PRKD3: variants seen among roughly 807,000 people sequenced by gnomAD.
PRKD3 encodes the protein protein kinase D3, also known as serine/threonine-protein kinase D3.
PRKD3 carries 47 observed loss-of-function variants against 99.2 expected under a neutral mutation model. That is an observed-to-expected ratio of 0.47 (90% CI 0.38 to 0.60). PRKD3 has a LOEUF of 0.60. Among genes scored for constraint, PRKD3 ranks in the 20% least tolerant of loss-of-function variants. The pLI is 0.00. For synonymous variants in PRKD3, 392 were observed against 355.4 expected (o/e 1.10, Z -1.16); for missense variants, 1,019 against 1,088.4 (o/e 0.94, Z 0.90).
At chr2:37,312,691 C>T (rs890424746) in intron 2 of PRKD3, among the ~76,000 whole-genome samples, 1 of 152,162 alleles carries the variant, frequency 6.6e-6, no homozygotes, top group African/African-American at 2.4e-5. Context: ...TGTTCAATAA[C>T]ATTCAGGTAT....
At chr2:37,322,262 TC>T (rs1172255666) in intron 1 of PRKD3, among the ~76,000 whole-genome samples, 2 of 152,230 alleles carry the variant, frequency 1.3e-5, no homozygotes, top group Non-Finnish European at 2.9e-5. Context: ...ATTTAAAAAC[TC>T]AAGTGTCTAC....
At chr2:37,285,082 C>T (rs1670029107) in intron 6 of PRKD3, among the ~76,000 whole-genome samples, 1 of 152,126 alleles carries the variant, frequency 6.6e-6, no homozygotes, top group Non-Finnish European at 1.5e-5. Context: ...TCCACAAATA[C>T]TTCTACTATA....
intron 7 of PRKD3, chr2:37,282,312 T>C (rs1207209468): frequency 2.0e-6 from 1 of 495,848 alleles, no homozygotes; most frequent in South Asian, 3.2e-5. Flanking sequence ...GGAGTACCAC[T>C]GGCTATATTA....
intron 17 of PRKD3, among the ~76,000 whole-genome samples, chr2:37,255,482 G>A (rs1428133630): frequency 2.0e-5 from 3 of 152,110 alleles, no homozygotes; most frequent in Admixed American, 6.5e-5. Flanking sequence ...TATTCTTGAC[G>A]GGTACAGAAC....
intron 14 of PRKD3, among the ~76,000 whole-genome samples, chr2:37,266,965 A>G (rs2148516428): frequency 6.6e-6 from 1 of 152,362 alleles, no homozygotes; most frequent in Middle Eastern, 3.4e-3. Context: ...AAAAACACAT[A>G]GGAATTTATG....
chr2:37,265,637 A>T (rs971452919), intron 14 of PRKD3, among the ~76,000 whole-genome samples: 1 of 152,188 alleles, frequency 6.6e-6, no homozygotes, highest in African/African-American at 2.4e-5. Context: ...ACTTAAGTAT[A>T]AATGCTGACA....
chr2:37,302,838 G>A (rs1313789680), intron 2 of PRKD3, among the ~76,000 whole-genome samples: 2 of 152,026 alleles, frequency 1.3e-5, no homozygotes. Flanking sequence ...GAGACAGAAG[G>A]CAGAGAAATA....
chr2:37,268,706 G>C (rs888179387), intron 13 of PRKD3: 1 of 174,286 alleles, frequency 5.7e-6, no homozygotes, highest in African/African-American at 2.4e-5. Context: ...GAGACAAAGG[G>C]ATGGAGAAGG....
At chr2:37,306,755 G>A (rs1434425502) in intron 2 of PRKD3, among the ~76,000 whole-genome samples, 1 of 152,192 alleles carries the variant, frequency 6.6e-6, no homozygotes, top group Non-Finnish European at 1.5e-5. Context: ...GCTGCAGTGA[G>A]CCGTGATCAT....
intron 1 of PRKD3, among the ~76,000 whole-genome samples, chr2:37,323,502 T>A (rs760107564): frequency 9.2e-5 from 14 of 152,032 alleles, no homozygotes; most frequent in Non-Finnish European, 2.9e-5. Flanking sequence ...CTTGGCTGAA[T>A]GTCCATGCTT....
chr2:37,259,984 G>T (rs545315144), intron 15 of PRKD3, among the ~76,000 whole-genome samples: 146 of 152,182 alleles, frequency 9.6e-4, no homozygotes, highest in African/African-American at 3.4e-3. Flanking sequence ...GGCCAACACG[G>T]TGAAACCCCA....
At chr2:37,308,120 ACT>A (rs1366515214) in intron 2 of PRKD3, among the ~76,000 whole-genome samples, 1 of 152,170 alleles carries the variant, frequency 6.6e-6, no homozygotes, top group African/African-American at 2.4e-5. Flanking sequence ...GTAAAACATA[ACT>A]CTCATATCAT....
chr2:37,318,164 C>T (rs1034644962), intron 1 of PRKD3, among the ~76,000 whole-genome samples: 2 of 151,610 alleles, frequency 1.3e-5, no homozygotes, highest in Admixed American at 1.3e-4. Context: ...TTAGGAAGAA[C>T]GTGACAGAAG....
At chr2:37,317,837 C>G (rs1572708454) in intron 1 of PRKD3, 1 of 152,170 alleles carries the variant, frequency 6.6e-6, no homozygotes, top group African/African-American at 2.4e-5. Flanking sequence ...CAATGCTTAG[C>G]TTCCAAGATC....
rs1668521617 is a variant in PRKD3 at position 37,262,272 on chromosome 2, TTC to T, written c.1885-1890_1885-1889del. ...CTTGAAGCCTTAATTTTAGCCCACATTCTCTCTCTTTGGGACTACTGCAATAG... is the reference window on the plus strand; with the variant it reads ...CTTGAAGCCTTAATTTTAGCCCACATTCTCTCTTTGGGACTACTGCAATAG... On this transcript the variant is annotated intron_variant, in intron 14 of 18. Transcript: ENST00000234179. Among the ~76,000 whole-genome samples the T allele has an allele frequency of 2.0e-5, 3 of 152,186 alleles. No homozygotes were observed. The South Asian group carries it at 6.2e-4, about 32-fold the overall frequency.
intron 2 of PRKD3, among the ~76,000 whole-genome samples, chr2:37,309,585 C>G (rs1052625694): frequency 4.6e-5 from 7 of 152,250 alleles, no homozygotes; most frequent in Middle Eastern, 3.4e-3. Context: ...GGTGGCCAAT[C>G]ACACCTGTAA....
Position 37,289,488 on chromosome 2 carries a change from T to A in PRKD3, c.585A>T (p.Arg195=). The A allele has an allele frequency of 6.2e-7, 1 of 1,613,284 alleles. No individual in the cohort carries two copies. Among genetic ancestry groups the A allele is most frequent in the Non-Finnish European group, 8.5e-7 (1 of 1,179,352 alleles). The part of the protein sequence containing the change: ...CEGCGLNYHK[R]CAFKIPNNCS... ...AGTTATTTGGAATCTTGAAGGCACA[T>A]CGTTTATGGTAATTTAATCCACAGC... The change falls in exon 5 of 19, where the codon CGA becomes CGT. Residue 195 remains arginine (R), a synonymous_variant. Coordinates refer to ENST00000234179, the MANE Select transcript of PRKD3 (RefSeq NM_005813.6).
In PRKD3 at chr2:37,275,860, T is replaced by C. The variant is rs1010382076; in HGVS notation, c.1297-16A>G. On this transcript the variant is annotated splice_polypyrimidine_tract_variant and intron_variant, in intron 9 of 18. Coordinates refer to ENST00000234179, the MANE Select transcript of PRKD3 (RefSeq NM_005813.6). Reference sequence around the variant, plus strand: ...GCCTCTTTCTCTATAAAATGAAGATTGGAAAACTGTGAGGTTCAAAAATGA... The same window carrying C: ...GCCTCTTTCTCTATAAAATGAAGATCGGAAAACTGTGAGGTTCAAAAATGA... 1.2e-5 allele frequency: 20 copies of C among 1,600,964 alleles called. No homozygotes were observed. The highest frequency in any genetic ancestry group is 1.7e-5 in the Non-Finnish European group (20 of 1,174,744).
intron 2 of PRKD3, among the ~76,000 whole-genome samples, chr2:37,308,038 C>T (rs940391811): frequency 1.3e-5 from 2 of 152,222 alleles, no homozygotes; most frequent in African/African-American, 2.4e-5. Context: ...CAACTTAACA[C>T]GATACCTAAA....
Sources: allele counts gnomAD v4.1 joint callset (sites outside exome capture counted in the v4.1 genomes callset), GRCh38; gene constraint gnomAD v4.1.1; transcripts MANE v1.5; gene names NCBI Gene and HGNC (gene_info 2026-07-23, HGNC 2026-07-21).